The following MYO1E variants were observed in gnomAD, a reference collection of about 807,000 sequenced individuals.
MYO1E encodes unconventional myosin-Ie.
A neutral mutation model predicts 151.1 loss-of-function variants in MYO1E; 68 were observed. That is an observed-to-expected ratio of 0.45 (90% confidence interval 0.37 to 0.55). The LOEUF is 0.55. MYO1E is among the 20% of genes least tolerant of loss of function. The pLI, the probability that MYO1E is intolerant of heterozygous loss-of-function variation, is 0.00. For synonymous variants in MYO1E, 601 were observed against 501.7 expected (o/e 1.20, Z -2.64); for missense variants, 1,363 against 1,389.3 (o/e 0.98, Z 0.30).
chr15:59,159,875 G>A lies in MYO1E; in HGVS notation c.2785+1198C>T, dbSNP rs951445865. 3.9e-5 allele frequency among the ~76,000 whole-genome samples: 6 copies of A among 152,188 alleles called. No homozygotes were observed. Among genetic ancestry groups the A allele is most frequent in the Admixed American group, 6.5e-5 (1 of 15,272 alleles). On this transcript the variant is annotated intron_variant, in intron 24 of 27. Coordinates refer to ENST00000288235, the MANE Select transcript of MYO1E (RefSeq NM_004998.4). The surrounding 1 kb of genome is among the most constrained non-coding windows in gnomAD (Gnocchi z 4.4). ...TAATTAATTTTTGAGATGGAGTTTC[G>A]CTCTTGTTGCCCAGGCTGGTGTGCA...
At position 59,163,285 on chromosome 15, in the gene MYO1E, A is replaced by G; in HGVS notation, c.2499T>C (p.Ile833=). ...SVSLSTMQDD[I]FILHEQEYDS... ...CATACTCTTGCTCATGGAGAATAAA[A>G]ATGTCATCCTGCATAGTACTGTAAA... Residue 833 remains isoleucine, a synonymous_variant, in exon 23 of 28, where the codon ATT becomes ATC. Transcript: ENST00000288235. The G allele has an allele frequency of 1.9e-6, 3 of 1,613,912 alleles. No homozygotes were observed. The highest frequency in any genetic ancestry group is 2.5e-6 in the Non-Finnish European group (3 of 1,179,814).
At chr15:59,231,851 C>T in intron 5 of MYO1E, 60 bp from the exon 6 acceptor site, 1 of 1,575,380 alleles carries the variant, frequency 6.3e-7, no homozygotes, top group Admixed American at 1.7e-5. Flanking sequence ...ACAGTGTACG[C>T]CAAACTTTCT....
intron 1 of MYO1E, among the ~76,000 whole-genome samples, chr15:59,296,992 A>G (rs1165637046): frequency 1.1e-5 from 1 of 93,986 alleles, no homozygotes; most frequent in Non-Finnish European, 2.5e-5. Context: ...GGCGCCCGCT[A>G]CCACGCCCGG....
At chr15:59,242,069 C>G (rs1008856247) in intron 4 of MYO1E, among the ~76,000 whole-genome samples, 9 of 152,146 alleles carry the variant, frequency 5.9e-5, no homozygotes, top group African/African-American at 1.7e-4. Flanking sequence ...TGGGGATGCA[C>G]CAAGGGTTCT....
At chr15:59,184,101 G>A (rs1185961778) in intron 18 of MYO1E, among the ~76,000 whole-genome samples, 2 of 152,110 alleles carry the variant, frequency 1.3e-5, no homozygotes, top group Non-Finnish European at 2.9e-5. Flanking sequence ...CTCTGCCTTG[G>A]GTTCCAGCAA....
chr15:59,326,564 A>T (rs2080665874), intron 1 of MYO1E, among the ~76,000 whole-genome samples: 1 of 152,164 alleles, frequency 6.6e-6, no homozygotes, highest in South Asian at 2.1e-4. Context: ...CCCATTTTTC[A>T]ATTTAAAATC....
In MYO1E at chr15:59,159,150, C is replaced by T. The variant is rs1252571781; in HGVS notation, c.2786-771G>A. Among the ~76,000 whole-genome samples, 2 of 152,198 alleles carry T rather than the reference C, an allele frequency of 1.3e-5. No individual in the cohort carries two copies. The highest frequency in any genetic ancestry group is 6.5e-5 in the Admixed American group (1 of 15,276). Reference sequence around the variant, plus strand: ...GAGAAGGGTAGGAGGTGACAAGGTGCACAGTGCAAACACAGCAAAGGAGCT... The same window carrying T: ...GAGAAGGGTAGGAGGTGACAAGGTGTACAGTGCAAACACAGCAAAGGAGCT... On this transcript the variant is annotated intron_variant, in intron 24 of 27. Coordinates refer to ENST00000288235, the MANE Select transcript of MYO1E (RefSeq NM_004998.4). This position sits in a 1 kb window ranked among gnomAD's most constrained non-coding sequence, Gnocchi z 4.4.
intron 5 of MYO1E, among the ~76,000 whole-genome samples, chr15:59,232,973 T>C (rs1228534592): frequency 2.0e-5 from 3 of 152,148 alleles, no homozygotes; most frequent in Non-Finnish European, 2.9e-5. Flanking sequence ...TTCTGGGTGG[T>C]CCTTTCATGG....
intron 7 of MYO1E, among the ~76,000 whole-genome samples, 175 bp downstream of exon 7, chr15:59,227,284 G>C (rs1010286707): frequency 6.6e-6 from 1 of 152,178 alleles, no homozygotes; most frequent in African/African-American, 2.4e-5. Context: ...ACTCCAATTA[G>C]AACTCACTCT....
intron 22 of MYO1E, among the ~76,000 whole-genome samples, chr15:59,165,103 C>G (rs951532155): frequency 2.6e-5 from 4 of 152,228 alleles, no homozygotes; most frequent in African/African-American, 9.6e-5. Context: ...GTCTCTAGAA[C>G]TGTAAAAATT....
chr15:59,185,524 C>G (rs969936089), intron 18 of MYO1E, among the ~76,000 whole-genome samples: 1 of 152,166 alleles, frequency 6.6e-6, no homozygotes, highest in Non-Finnish European at 1.5e-5. Context: ...ACCTCGGCCT[C>G]CCAAAGTGCT....
Position 59,372,593 on chromosome 15 carries a change from T to C in MYO1E, c.-93A>G, listed in dbSNP as rs974222372. The C allele has an allele frequency of 3.4e-6, 5 of 1,482,202 alleles. No individual in the cohort carries two copies. The Admixed American group carries it at 6.3e-5, about 19-fold the overall frequency. The allele number at this position is 1,482,202 out of a possible 1,614,324, so 91.8% of individuals were successfully genotyped here. ...CTTCTGGGCGAACTTCAAAAGTTGG[T>C]TCCCCTCGCCAAAAACAGGCTCCCG... On this transcript the variant is annotated 5_prime_UTR_variant, in exon 1 of 28. Transcript: ENST00000288235.
intron 1 of MYO1E, among the ~76,000 whole-genome samples, chr15:59,360,437 T>A (rs141894971): frequency 1.3e-5 from 2 of 152,160 alleles, no homozygotes; most frequent in African/African-American, 4.8e-5. Flanking sequence ...AAATGCAGAA[T>A]TGGGCAGCAA....
At chr15:59,283,327 T>C (rs1279160815) in intron 1 of MYO1E, among the ~76,000 whole-genome samples, 36 of 152,084 alleles carry the variant, frequency 2.4e-4, no homozygotes, top group Admixed American at 2.4e-3. Context: ...CTTCAGTACC[T>C]ACATTCCCAC....
rs976645664 is a variant in MYO1E, at chr15:59,236,373, C to A, written c.420+212G>T. Among the ~76,000 whole-genome samples, 2,083 of 8,806 alleles carry A rather than the reference C, an allele frequency of 0.24. 164 individuals are homozygous for A. The highest frequency in any genetic ancestry group is 0.42 in the Non-Finnish European group (1,580 of 3,720). The allele number at this position is 8,806 out of a possible 152,430, so 5.8% of individuals were successfully genotyped here. On this transcript the variant is annotated intron_variant, in intron 5 of 27. Transcript: ENST00000288235. The stretch of plus-strand genomic sequence containing the variant: ...AAAAGAAAAAAAAAAAATATATACA[C>A]ACACACACACACACACACACACACA...
intron 15 of MYO1E, among the ~76,000 whole-genome samples, chr15:59,204,047 A>G (rs75201733): frequency 1.7e-3 from 255 of 152,360 alleles, no homozygotes; most frequent in African/African-American, 5.7e-3. Flanking sequence ...GGAAGCAATA[A>G]TAGCTCTTAA....
intron 4 of MYO1E, among the ~76,000 whole-genome samples, chr15:59,243,676 A>G (rs2080113229): frequency 6.6e-6 from 1 of 152,190 alleles, no homozygotes; most frequent in African/African-American, 2.4e-5. Context: ...AGTTCATAGT[A>G]TCAGCAAACT....
chr15:59,278,105 T>A (rs568067282), intron 1 of MYO1E, among the ~76,000 whole-genome samples: 1 of 152,202 alleles, frequency 6.6e-6, no homozygotes, highest in Non-Finnish European at 1.5e-5. Flanking sequence ...GCCAGGACTG[T>A]CCTAAGACTG....
chr15:59,315,903 T>C (rs2080585962), intron 1 of MYO1E, among the ~76,000 whole-genome samples: 1 of 152,226 alleles, frequency 6.6e-6, no homozygotes, highest in South Asian at 2.1e-4. Context: ...TAACTTGAAC[T>C]TTCTCAGTGA....
Sources: allele counts gnomAD v4.1 joint callset (sites outside exome capture counted in the v4.1 genomes callset), GRCh38; gene constraint gnomAD v4.1.1; non-coding constraint Gnocchi (gnomAD v3.1); transcripts MANE v1.5; gene names NCBI Gene and HGNC (gene_info 2026-07-23, HGNC 2026-07-21).